ADGRB1: variants seen among roughly 807,000 people sequenced by gnomAD.
The protein encoded by ADGRB1 is brain-specific angiogenesis inhibitor 1.
Under a neutral mutation model 175.7 loss-of-function variants are expected in ADGRB1, and 36 were observed. That is an observed-to-expected ratio of 0.20 (90% CI 0.16 to 0.27). ADGRB1 has a LOEUF of 0.27. Ranked by LOEUF, ADGRB1 falls within the 10% of genes least tolerant of loss-of-function variation. The pLI, the probability that ADGRB1 is intolerant of heterozygous loss-of-function variation, is 1.00. For synonymous variants in ADGRB1, 1,054 were observed against 979.4 expected, an observed-to-expected ratio of 1.08 and a Z score of -1.42; for missense variants, 1,731 against 2,255.3, an observed-to-expected ratio of 0.77 and a Z score of 4.71.
intron 17 of ADGRB1, among the ~76,000 whole-genome samples, chr8:142,509,260 C>T (rs1056794964): frequency 6.6e-6 from 1 of 152,194 alleles, no homozygotes; most frequent in Non-Finnish European, 1.5e-5. Context: ...TGCCGCTCAG[C>T]GCTGTCCAGA....
intron 26 of ADGRB1, among the ~76,000 whole-genome samples, chr8:142,539,031 G>A (rs374339070): frequency 5.3e-5 from 8 of 152,240 alleles, no homozygotes; most frequent in Admixed American, 6.5e-5. Flanking sequence ...AAATACACAC[G>A]CATGTACGTG....
intron 12 of ADGRB1, 94 bp downstream of exon 12, chr8:142,484,139 C>T (rs1256092119): frequency 3.3e-5 from 36 of 1,099,906 alleles, no homozygotes; most frequent in African/African-American, 7.9e-5. Flanking sequence ...GGTGGGGTCC[C>T]GCCGGGTGCT....
At chr8:142,508,169 G>A (rs1049112473) in intron 17 of ADGRB1, among the ~76,000 whole-genome samples, 6 of 152,294 alleles carry the variant, frequency 3.9e-5, no homozygotes, top group African/African-American at 1.4e-4. Flanking sequence ...CCCAAGCCAG[G>A]AAATAAACTC....
At chr8:142,539,287 C>T (rs1433943243) in intron 26 of ADGRB1, 87 bp from the exon 27 acceptor site, 6 of 1,387,100 alleles carry the variant, frequency 4.3e-6, no homozygotes, top group African/African-American at 1.4e-5. Flanking sequence ...GCAGGAGCAC[C>T]GTGGCCCTCC....
At chr8:142,516,944 G>A (rs572688783) in intron 18 of ADGRB1, among the ~76,000 whole-genome samples, 73 of 152,318 alleles carry the variant, frequency 4.8e-4, no homozygotes, top group East Asian at 3.5e-3. Context: ...TTCCCTGTCT[G>A]TCTTCAGGCC....
Position 142,464,000 on chromosome 8 carries a change from C to T in ADGRB1, c.-199C>T. 1 of 406,624 alleles carries T rather than the reference C, an allele frequency of 2.5e-6. No individual in the cohort carries two copies. Among genetic ancestry groups the T allele is most frequent in the Non-Finnish European group, 4.1e-6 (1 of 243,820 alleles). The allele number at this position is 406,624 out of a possible 1,614,324, so 25.2% of individuals were successfully genotyped here. Reference sequence around the variant, plus strand: ...TCCAGCTGCTGCTGGTGGCCACAGGCTGGCACCAGGGCCCTGGACTTTAGA... The same window carrying T: ...TCCAGCTGCTGCTGGTGGCCACAGGTTGGCACCAGGGCCCTGGACTTTAGA... On this transcript the variant is annotated 5_prime_UTR_variant, in exon 2 of 31. Transcript: ENST00000517894.
intron 24 of ADGRB1, among the ~76,000 whole-genome samples, chr8:142,530,241 T>C (rs957881993): frequency 1.3e-5 from 2 of 152,036 alleles, no homozygotes; most frequent in African/African-American, 4.8e-5. Context: ...CGTGTGTGTG[T>C]GTGTACGCAT....
chr8:142,473,537 A>G (rs932522333), intron 2 of ADGRB1, among the ~76,000 whole-genome samples: 1 of 152,146 alleles, frequency 6.6e-6, no homozygotes, highest in South Asian at 2.1e-4. Flanking sequence ...ACCTGTTCCT[A>G]TGCTGTGGGC....
intron 19 of ADGRB1, 84 bp downstream of exon 19, chr8:142,518,325 G>A (rs1290801323): frequency 7.7e-6 from 11 of 1,431,132 alleles, no homozygotes; most frequent in Admixed American, 6.8e-5. Flanking sequence ...GGGCGGGGTC[G>A]TGGGTGCCCC....
At chr8:142,450,523 C>T (rs1839284124) in intron 1 of ADGRB1, among the ~76,000 whole-genome samples, 3 of 152,166 alleles carry the variant, frequency 2.0e-5, no homozygotes, top group South Asian at 4.1e-4. Flanking sequence ...AAGGGAGCCC[C>T]CCATGGCCCC....
At chr8:142,539,058 G>GCATTCTC (rs1845107560) in intron 26 of ADGRB1, among the ~76,000 whole-genome samples, 1 of 152,210 alleles carries the variant, frequency 6.6e-6, no homozygotes, top group Admixed American at 6.5e-5. Context: ...ACACTCAGAT[G>GCATTCTC]CATTCTCTCA....
chr8:142,471,883 C>T (rs550646100), intron 2 of ADGRB1, among the ~76,000 whole-genome samples: 4 of 152,336 alleles, frequency 2.6e-5, no homozygotes, highest in South Asian at 4.1e-4. Flanking sequence ...CTTCCACGTC[C>T]GTGCAGGGGG....
In ADGRB1 at chr8:142,541,959, C is replaced by A; in HGVS notation, c.3725C>A (p.Ala1242Glu). 1 of 1,558,312 alleles carries A rather than the reference C, an allele frequency of 6.4e-7. No homozygotes were observed. The highest frequency in any genetic ancestry group is 8.7e-7 in the Non-Finnish European group (1 of 1,154,534). ...ACRSVLNKDI[A>E]ACRTATITGT... ...CCTGCAGTGCTGAACAAGGACATCG[C>A]GGCCTGCCGCACTGCCACCATCACG... Residue 1242 changes from alanine (A) to glutamate (E), a missense_variant, in exon 28 of 31, where the codon GCG (alanine) becomes GAG (glutamate). Ala to Glu is a moderately radical substitution (Grantham distance 107). This residue lies in a region of ADGRB1 where 301 missense variants were observed against 488.4 expected (regional missense o/e 0.62). Transcript: ENST00000517894.
chr8:142,462,677 A>G (rs1222975587), intron 1 of ADGRB1, among the ~76,000 whole-genome samples: 1 of 152,198 alleles, frequency 6.6e-6, no homozygotes, highest in Non-Finnish European at 1.5e-5. Context: ...TGGGCGGGCG[A>G]CCGGCATTTG....
intron 2 of ADGRB1, among the ~76,000 whole-genome samples, chr8:142,469,218 T>C (rs1445894151): frequency 6.6e-6 from 1 of 151,598 alleles, no homozygotes; most frequent in Non-Finnish European, 1.5e-5. Flanking sequence ...TGTGTGTGCA[T>C]ATCTGTGAAT....
rs760531920 is a variant in ADGRB1 at position 142,477,310 on chromosome 8, AGCCAGGGCAGCGGGGG to A, written c.1222+49_1223-43del. ...GGGACCTTGGGCTGGGGCAGCGGAC[AGCCAGGGCAGCGGGGG>A]GCCAGGGCAGCGGGGGCGGTGGCCG... On this transcript the variant is annotated intron_variant, in intron 5 of 30. Transcript: ENST00000517894. 629 of 1,505,212 alleles carry A rather than the reference AGCCAGGGCAGCGGGGG, an allele frequency of 4.2e-4. 1 individual carries two copies. Among genetic ancestry groups the A allele is most frequent in the South Asian group, 1.0e-3 (83 of 82,604 alleles). The allele number at this position is 1,505,212 out of a possible 1,614,324, so 93.2% of individuals were successfully genotyped here. A position where few individuals can be genotyped will look rare whatever the true frequency, so the allele number is the denominator to read the frequency against.
chr8:142,475,001 C>T (rs1840874694), intron 2 of ADGRB1, among the ~76,000 whole-genome samples: 1 of 152,148 alleles, frequency 6.6e-6, no homozygotes, highest in Admixed American at 6.5e-5. Flanking sequence ...ATGTGGAGCC[C>T]TGGTGATGAG....
At chr8:142,496,126 T>G (rs1587343828) in intron 17 of ADGRB1, among the ~76,000 whole-genome samples, 1 of 120,756 alleles carries the variant, frequency 8.3e-6, no homozygotes. Context: ...GGTAGATGGG[T>G]GGACGGGTGA....
rs1425779495 is a variant in ADGRB1 at position 142,464,253 on chromosome 8, C to T, written c.55C>T (p.Leu19=). ...CGTCTGGATCCTCGCCCCGCTGCTA[C>T]TGCTGCTGCTGCTGCTGGGACGCCG... ...GPVWILAPLL[L]LLLLLGRRAR... is the part of the protein sequence containing the mutation. Residue 19 remains leucine (L), a synonymous_variant, in exon 2 of 31, where the codon CTG becomes TTG. Coordinates refer to ENST00000517894, the MANE Select transcript of ADGRB1 (RefSeq NM_001702.3). 5.5e-6 allele frequency: 7 copies of T among 1,282,196 alleles called. No individual in the cohort carries two copies. The highest frequency in any genetic ancestry group is 6.9e-6 in the Non-Finnish European group (7 of 1,014,612). 79.4% of individuals were successfully genotyped at this position (1,282,196 alleles called of 1,614,324 possible).
Sources: allele counts gnomAD v4.1 joint callset (sites outside exome capture counted in the v4.1 genomes callset), GRCh38; gene constraint gnomAD v4.1.1; regional missense constraint gnomAD v4.1.1; transcripts MANE v1.5; gene names NCBI Gene and HGNC (gene_info 2026-07-23, HGNC 2026-07-21).